Variants in RBM4 observed in about 807,000 individuals in gnomAD.
RBM4 encodes RNA binding motif protein 4, also known as RNA-binding protein 4.
A neutral mutation model predicts 29.5 loss-of-function variants in RBM4; 7 were observed. The ratio of observed to expected loss-of-function variants is 0.24; its 90% CI spans 0.14 to 0.45. The LOEUF is 0.45. Ranked by LOEUF, RBM4 falls within the 20% of genes least tolerant of loss-of-function variation. The pLI is 1.00. For missense variants in RBM4, 387 were observed against 502.3 expected, an observed-to-expected ratio of 0.77 and a Z score of 2.19; for synonymous variants, 220 against 205.4, an observed-to-expected ratio of 1.07 and a Z score of -0.61.
At chr11:66,649,862 A>G, downstream of RBM4, 1 of 614,308 alleles carries the variant, frequency 1.6e-6, no homozygotes, top group Non-Finnish European at 2.9e-6. Context: ...ACTATATGTG[A>G]GCCACTGCGT....
At chr11:66,650,820 G>A (rs1360323200), downstream of RBM4, among the ~76,000 whole-genome samples, 9 of 152,142 alleles carry the variant, frequency 5.9e-5, no homozygotes, top group Admixed American at 1.3e-4. Context: ...CTGAGATTGC[G>A]CCACTGCACT....
At chr11:66,662,355 A>G (rs2135218944) in intron 2 of RBM4, among the ~76,000 whole-genome samples, 1 of 152,282 alleles carries the variant, frequency 6.6e-6, no homozygotes, top group South Asian at 2.1e-4. Context: ...CTTTTGCAGA[A>G]AATTTTTTTT....
exon 3 of RBM4, chr11:66,667,678 G>A (rs765447996): frequency 6.6e-6 from 1 of 151,328 alleles, no homozygotes; most frequent in Non-Finnish European, 1.5e-5. Context: ...TTTGACAAAG[G>A]ACAATGACCC....
At chr11:66,649,750 C>T (rs1330728426), downstream of RBM4, 2 of 701,774 alleles carry the variant, frequency 2.8e-6, no homozygotes, top group Non-Finnish European at 5.2e-6. Flanking sequence ...CCAGCTCTGT[C>T]ACCCAAGCTG....
chr11:66,646,100 C>T lies in RBM4; in HGVS notation c.*82C>T, dbSNP rs1464325815. On this transcript the variant is annotated 3_prime_UTR_variant, in exon 4 of 4. Transcript: ENST00000310092. ...TACACCCTTCGTGGTACCCCATCTCCGGGACGTTCTCGGCTCTGTGCGTTC... is the reference window on the plus strand; with the variant it reads ...TACACCCTTCGTGGTACCCCATCTCTGGGACGTTCTCGGCTCTGTGCGTTC... 7 of 1,535,316 alleles carry T rather than the reference C, an allele frequency of 4.6e-6. No homozygotes were observed. Among genetic ancestry groups the T allele is most frequent in the African/African-American group, 2.7e-5 (2 of 73,022 alleles).
downstream of RBM4, among the ~76,000 whole-genome samples, chr11:66,650,231 T>A (rs1938795130): frequency 6.6e-6 from 1 of 152,192 alleles, no homozygotes; most frequent in South Asian, 2.1e-4. Flanking sequence ...GTTTTCAGGG[T>A]GATCTTGGAA....
intron 2 of RBM4, chr11:66,665,646 G>A (rs998494385): frequency 3.8e-5 from 59 of 1,534,576 alleles, no homozygotes; most frequent in African/African-American, 2.1e-4. Context: ...GCGTACAAGC[G>A]CCCTGGGTCC....
chr11:66,663,909 G>A (rs563470308), intron 2 of RBM4, among the ~76,000 whole-genome samples: 86 of 152,248 alleles, frequency 5.6e-4, no homozygotes, highest in Admixed American at 1.8e-3. Context: ...GCTCTGGTTA[G>A]AGAAAAGTAG....
Position 66,643,904 on chromosome 11 carries a change from AGCAGCAGCCGCTGCTGCT to A in RBM4, c.869_886del (p.Ala290_Ala295del), listed in dbSNP as rs759186690. The A allele has an allele frequency of 3.7e-5, 60 of 1,608,862 alleles. No homozygotes were observed. The highest frequency in any genetic ancestry group is 4.2e-5 in the Non-Finnish European group (50 of 1,178,472). On this transcript the variant is annotated inframe_deletion, in exon 3 of 4. Transcript: ENST00000310092. This position sits in a 1 kb window ranked among gnomAD's most constrained non-coding sequence, Gnocchi z 6.1. ...GAGCTGCTGCCACAGCTGCTGCTGC[AGCAGCAGCCGCTGCTGCT>A]GTTACTGCAGCTTCCACTTCATATT... is the stretch of plus-strand genomic sequence containing the variant.
chr11:66,639,939 C>G lies in RBM4; in HGVS notation c.228C>G (p.Thr76=). The G allele has an allele frequency of 6.2e-7, 1 of 1,614,188 alleles. No individual in the cohort carries two copies. The highest frequency in any genetic ancestry group is 8.5e-7 in the Non-Finnish European group (1 of 1,180,032). ...AAGCCAGCAAGAATAAGAGCAAAAC[C>G]TCAACAAAGTTGCATGTGGGCAACA... is the stretch of plus-strand genomic sequence containing the variant. The part of the protein sequence containing the change: ...NVEASKNKSK[T]STKLHVGNIS... Residue 76 remains threonine (T), a synonymous_variant, in exon 2 of 4, where the codon ACC becomes ACG. Transcript: ENST00000310092.
At chr11:66,639,378 G>C (rs1938338265) in intron 1 of RBM4, 1 of 308,582 alleles carries the variant, frequency 3.2e-6, no homozygotes, top group African/African-American at 2.1e-5. Flanking sequence ...TGTCCTCCTA[G>C]TGGATAGAAA....
chr11:66,648,032 C>T (rs1212836264), downstream of RBM4, among the ~76,000 whole-genome samples: 1 of 152,040 alleles, frequency 6.6e-6, no homozygotes, highest in Admixed American at 6.5e-5. Context: ...GTGAAAAACC[C>T]TGTCTCTACT....
rs1401168008 is a variant in RBM4 at position 66,646,051 on chromosome 11, C to G, written c.*33C>G. 2 of 1,535,988 alleles carry G rather than the reference C, an allele frequency of 1.3e-6. No individual in the cohort carries two copies. The highest frequency in any genetic ancestry group is 2.7e-5 in the African/African-American group (2 of 73,030). On this transcript the variant is annotated 3_prime_UTR_variant, in exon 4 of 4. Coordinates refer to ENST00000310092, the MANE Select transcript of RBM4 (RefSeq NM_002896.4). ...GGTGGGATGTGTGTGGGCTGAAATT[C>G]CGAGCTGCGGTTGTGCATGAGAATA...
chr11:66,645,248 T>A (rs988713123), intron 3 of RBM4, among the ~76,000 whole-genome samples: 1 of 152,202 alleles, frequency 6.6e-6, no homozygotes, highest in African/African-American at 2.4e-5. Context: ...AGCTTTGGGC[T>A]CTAGGTGTTT....
At position 66,644,108 on chromosome 11, in the gene RBM4, T is replaced by C; in HGVS notation, c.1071T>C (p.Asp357=). ...MARYEREQYA[D]RARYSAF ...GGTATGAGCGGGAGCAGTATGCCGA[T>C]CGGGCGCGGTACTCAGCCTTTTAAA... Residue 357 remains aspartate, a synonymous_variant, in exon 3 of 4, where the codon GAT becomes GAC. Coordinates refer to ENST00000310092, the MANE Select transcript of RBM4 (RefSeq NM_002896.4). The C allele has an allele frequency of 1.2e-6, 2 of 1,613,774 alleles. No individual in the cohort carries two copies. The highest frequency in any genetic ancestry group is 1.7e-6 in the Non-Finnish European group (2 of 1,179,862).
rs867080495 is a variant in RBM4 at position 66,666,037 on chromosome 11, A to G, written c.*72A>G. The G allele has an allele frequency of 3.8e-6, 5 of 1,309,118 alleles. No homozygotes were observed. The Middle Eastern group carries it at 9.2e-4, about 242-fold the overall frequency. The allele number at this position is 1,309,118 out of a possible 1,614,324, so 81.1% of individuals were successfully genotyped here. On this transcript the variant is annotated 3_prime_UTR_variant, in exon 3 of 3. Transcript: ENST00000396053. ...AATCTTTCACAGTAAACAAGCTTTCAGAAATGATGGTCACAAGGGGTAGGA... is the reference window on the plus strand; with the variant it reads ...AATCTTTCACAGTAAACAAGCTTTCGGAAATGATGGTCACAAGGGGTAGGA...
At chr11:66,642,995 T>C (rs1215647532) in intron 2 of RBM4, among the ~76,000 whole-genome samples, 2 of 152,204 alleles carry the variant, frequency 1.3e-5, no homozygotes, top group Non-Finnish European at 2.9e-5. Context: ...AGTCTTTTAT[T>C]CGGTTCTTTT....
At chr11:66,665,538 A>AT in intron 2 of RBM4, 4 of 1,495,546 alleles carry the variant, frequency 2.7e-6, no homozygotes, top group Non-Finnish European at 3.6e-6. Context: ...AAGTTCTCAT[A>AT]TATGACCGCA....
chr11:66,640,023 C>T lies in RBM4; in HGVS notation c.312C>T (p.Val104=). The change falls in exon 2 of 4, where the codon GTC becomes GTT. Residue 104 remains valine (V), a synonymous_variant. Transcript: ENST00000310092. ...CCAAGTTTGAGGAGTATGGTCCGGT[C>T]ATCGAATGTGACATCGTGAAAGATT... ...LRAKFEEYGP[V]IECDIVKDYA... The T allele has an allele frequency of 6.2e-7, 1 of 1,614,192 alleles. No individual in the cohort carries two copies. The highest frequency in any genetic ancestry group is 1.1e-5 in the South Asian group (1 of 91,086).
Sources: allele counts gnomAD v4.1 joint callset (sites outside exome capture counted in the v4.1 genomes callset), GRCh38; gene constraint gnomAD v4.1.1; non-coding constraint Gnocchi (gnomAD v3.1); transcripts MANE v1.5; gene names NCBI Gene and HGNC (gene_info 2026-07-23, HGNC 2026-07-21).